The following COL7A1 variants were observed in gnomAD, a reference collection of about 807,000 sequenced individuals.
The protein encoded by COL7A1 is collagen alpha-1(VII) chain.
Under a neutral mutation model 456.2 loss-of-function variants are expected in COL7A1, and 296 were observed. The ratio of observed to expected loss-of-function variants is 0.65; its 90% CI spans 0.59 to 0.71. The LOEUF is 0.71. Ranked by LOEUF, COL7A1 falls within the 30% of genes least tolerant of loss-of-function variation. COL7A1 has a pLI of 0.00. For missense variants in COL7A1, 3,441 were observed against 4,017.2 expected (o/e 0.86, Z 3.88); for synonymous variants, 1,464 against 1,525.9 (o/e 0.96, Z 0.95).
chr3:48,570,020 G>C lies in COL7A1; in HGVS notation c.7486-105C>G. ...AGTGGGGACCAGACAAAGGGGACAG[G>C]GGTAGACGAGGAGGGCCAGAGGGCT... On this transcript the variant is annotated intron_variant, in intron 99 of 118. Transcript: ENST00000681320. The surrounding 1 kb of genome is among the most constrained non-coding windows in gnomAD (Gnocchi z 5.5). 12 of 1,594,504 alleles carry C rather than the reference G, an allele frequency of 7.5e-6. No homozygotes were observed. Among genetic ancestry groups the C allele is most frequent in the Non-Finnish European group, 1.0e-5 (12 of 1,163,436 alleles).
rs759830610 is a variant in COL7A1, at chr3:48,571,059, C to G, written c.7164+42G>C. ...ACTCCCTCTTCCTCCTGTGGGGGCCCGGCCTGCTGCCCCTACAACTGGTGA... is the reference window on the plus strand; with the variant it reads ...ACTCCCTCTTCCTCCTGTGGGGGCCGGGCCTGCTGCCCCTACAACTGGTGA... On this transcript the variant is annotated intron_variant, in intron 94 of 118. Transcript: ENST00000681320. The surrounding 1 kb of genome is among the most constrained non-coding windows in gnomAD (Gnocchi z 4.6). 2 of 1,612,410 alleles carry G rather than the reference C, an allele frequency of 1.2e-6. No homozygotes were observed. The highest frequency in any genetic ancestry group is 1.7e-6 in the Non-Finnish European group (2 of 1,178,710).
In COL7A1 at chr3:48,574,305, C is replaced by T. The variant is rs746545309; in HGVS notation, c.6458G>A (p.Gly2153Asp). 6.2e-7 allele frequency: 1 copy of T among 1,614,174 alleles called. No individual in the cohort carries two copies. Among genetic ancestry groups the T allele is most frequent in the South Asian group, 1.1e-5 (1 of 91,080 alleles). The change falls in exon 80 of 119, where the codon GGT becomes GAT. Residue 2153 changes from glycine (G) to aspartate (D), a missense_variant and splice_region_variant. Coordinates refer to ENST00000681320, the MANE Select transcript of COL7A1 (RefSeq NM_000094.4). The surrounding 1 kb of genome is among the most constrained non-coding windows in gnomAD (Gnocchi z 5.0). Reference sequence around the variant, plus strand: ...AGCCATACCACGCTCTCCTGGTAGACCCTGCAGAGAATAGGTTTAAGGCCT... The same window carrying T: ...AGCCATACCACGCTCTCCTGGTAGATCCTGCAGAGAATAGGTTTAAGGCCT... ...PGPRGQDGNPGLPGERGMAGP... is the reference protein window; with the variant it reads ...PGPRGQDGNPDLPGERGMAGP...
In COL7A1 at chr3:48,564,526, G is replaced by T. The variant is rs142853770; in HGVS notation, c.8819-104C>A. 1,029 of 1,419,718 alleles carry T rather than the reference G, an allele frequency of 7.2e-4. 5 individuals are homozygous for T. The African/African-American group carries it at 0.011, about 15-fold the overall frequency. 87.9% of individuals were successfully genotyped at this position (1,419,718 alleles called of 1,614,324 possible). A position where few individuals can be genotyped will look rare whatever the true frequency, so the allele number is the denominator to read the frequency against. On this transcript the variant is annotated intron_variant, in intron 118 of 118. Transcript: ENST00000681320. This position sits in a 1 kb window ranked among gnomAD's most constrained non-coding sequence, Gnocchi z 6.0. ...GAGGGAGCGGAGGCTACAACAGGAA[G>T]TGGGGGCTCTGACCTCAGAGGGGTC... is the stretch of plus-strand genomic sequence containing the variant.
At position 48,574,382 on chromosome 3, in the gene COL7A1, C is replaced by T; in HGVS notation, c.6457-76G>A. The T allele has an allele frequency of 1.2e-6, 2 of 1,613,228 alleles. No homozygotes were observed. Among genetic ancestry groups the T allele is most frequent in the Non-Finnish European group, 1.7e-6 (2 of 1,179,222 alleles). On this transcript the variant is annotated intron_variant, in intron 79 of 118. Transcript: ENST00000681320. This position sits in a 1 kb window ranked among gnomAD's most constrained non-coding sequence, Gnocchi z 5.0. ...CACCCACCATCCCCCTAGACAGAGT[C>T]AGGACCCAGACAGTCCCAGGCAGTA...
Position 48,581,270 on chromosome 3 carries a change from CG to C in COL7A1, c.4888del (p.Arg1630GlufsTer80). 1 of 1,613,396 alleles carries C rather than the reference CG, an allele frequency of 6.2e-7. No individual in the cohort carries two copies. The highest frequency in any genetic ancestry group is 8.5e-7 in the Non-Finnish European group (1 of 1,179,816). On this transcript the variant is annotated frameshift_variant, in exon 52 of 119. Transcript: ENST00000681320. LOFTEE classifies it high-confidence loss of function. The surrounding 1 kb of genome is among the most constrained non-coding windows in gnomAD (Gnocchi z 5.8). ...ACTCCAGCCTCTTACATCTCGTCCTCGGGGGCCAACAGGTCCTGGGGGGCCA... is the reference window on the plus strand; with the variant it reads ...ACTCCAGCCTCTTACATCTCGTCCTCGGGGCCAACAGGTCCTGGGGGGCCA... ...RPGPPGPVGP[R>X]GRDGEVGEKG...
chr3:48,567,483 C>T lies in COL7A1; in HGVS notation c.8046+91G>A. 6.4e-7 allele frequency: 1 copy of T among 1,566,666 alleles called. No individual in the cohort carries two copies. Among genetic ancestry groups the T allele is most frequent in the Non-Finnish European group, 8.8e-7 (1 of 1,137,402 alleles). ...CCCCAAAGTCCCAACCCTCTACAGC[C>T]TTCCTTGTCCCTACACCCCCATGAC... On this transcript the variant is annotated intron_variant, in intron 109 of 118. Coordinates refer to ENST00000681320, the MANE Select transcript of COL7A1 (RefSeq NM_000094.4). This position sits in a 1 kb window ranked among gnomAD's most constrained non-coding sequence, Gnocchi z 4.3.
In COL7A1 at chr3:48,579,524, A is replaced by T; in HGVS notation, c.5236-9T>A. ...CGAAACCCTTCAATGCCCTGAGGAT[A>T]GGGGAGGAAGAAATCAGAGCAGGCC... On this transcript the variant is annotated splice_polypyrimidine_tract_variant and intron_variant, in intron 59 of 118. Transcript: ENST00000681320. This position sits in a 1 kb window ranked among gnomAD's most constrained non-coding sequence, Gnocchi z 4.4. The T allele has an allele frequency of 6.2e-7, 1 of 1,613,932 alleles. No homozygotes were observed. Among genetic ancestry groups the T allele is most frequent in the Non-Finnish European group, 8.5e-7 (1 of 1,180,020 alleles).
Position 48,586,540 on chromosome 3 carries a change from T to C in COL7A1, c.3403+23A>G. On this transcript the variant is annotated intron_variant, in intron 26 of 118. Transcript: ENST00000681320. This position sits in a 1 kb window ranked among gnomAD's most constrained non-coding sequence, Gnocchi z 5.1. ...AGCTCCCAGTGGATAGCCCCAGGAG[T>C]CCATGCCTGCTGCAGTCCTCACCCA... The C allele has an allele frequency of 1.2e-6, 2 of 1,613,484 alleles. No homozygotes were observed. Among genetic ancestry groups the C allele is most frequent in the South Asian group, 1.1e-5 (1 of 91,074 alleles).
Position 48,570,946 on chromosome 3 carries a change from A to G in COL7A1, c.7187T>C (p.Leu2396Pro), listed in dbSNP as rs1313906631. The change falls in exon 95 of 119, where the codon CTG becomes CCG. Residue 2396 changes from leucine to proline, a missense_variant. Physicochemically the swap from Leu to Pro is moderately conservative, Grantham distance 98. Transcript: ENST00000681320. The surrounding 1 kb of genome is among the most constrained non-coding windows in gnomAD (Gnocchi z 5.5). ...GVKGDLGLPG[L>P]PGAPGVVGFP... ...CCCAACAACACCAGGAGCACCGGGC[A>G]GGCCAGGGAGGCCCAGATCTCCCTG... is the stretch of plus-strand genomic sequence containing the variant. 2 of 1,613,658 alleles carry G rather than the reference A, an allele frequency of 1.2e-6. No homozygotes were observed. Among genetic ancestry groups the G allele is most frequent in the Non-Finnish European group, 1.7e-6 (2 of 1,179,854 alleles).
In COL7A1 at chr3:48,569,680, G is replaced by A; in HGVS notation, c.7558-32C>T. ...GGGCAGGCAGGAATCAGAGGAGTCG[G>A]GAGCACCCTGGCCCCTGCCCTGCCC... is the stretch of plus-strand genomic sequence containing the variant. On this transcript the variant is annotated intron_variant, in intron 101 of 118. Coordinates refer to ENST00000681320, the MANE Select transcript of COL7A1 (RefSeq NM_000094.4). The surrounding 1 kb of genome is among the most constrained non-coding windows in gnomAD (Gnocchi z 4.9). 6.2e-7 allele frequency: 1 copy of A among 1,614,014 alleles called. No homozygotes were observed. The highest frequency in any genetic ancestry group is 1.1e-5 in the South Asian group (1 of 91,080).
In COL7A1 at chr3:48,590,218, C is replaced by T. The variant is rs772900092; in HGVS notation, c.2045G>A (p.Arg682Gln). The change falls in exon 16 of 119, where the codon CGA (arginine) becomes CAA (glutamine). Residue 682 changes from arginine to glutamine, a missense_variant. Coordinates refer to ENST00000681320, the MANE Select transcript of COL7A1 (RefSeq NM_000094.4). This position sits in a 1 kb window ranked among gnomAD's most constrained non-coding sequence, Gnocchi z 4.6. ...EEGPAAVIVA[R>Q]TDPLGPVRTV... ...GGACGGGGGCAGGGCCTGACCCGTT[C>T]GAGCCACGATGACTGCAGCAGGGCC... is the stretch of plus-strand genomic sequence containing the variant. 4.5e-5 allele frequency: 73 copies of T among 1,612,324 alleles called. 1 individual carries two copies. The Middle Eastern group carries it at 5.0e-4, about 11-fold the overall frequency.
Position 48,585,732 on chromosome 3 carries a change from G to A in COL7A1, c.3789C>T (p.Gly1263=), listed in dbSNP as rs2107743320. 1.2e-6 allele frequency: 2 copies of A among 1,614,034 alleles called. No individual in the cohort carries two copies. Among genetic ancestry groups the A allele is most frequent in the Non-Finnish European group, 8.5e-7 (1 of 1,180,014 alleles). The change falls in exon 31 of 119, where the codon GGC becomes GGT. Residue 1263 remains glycine, a splice_region_variant and synonymous_variant. Coordinates refer to ENST00000681320, the MANE Select transcript of COL7A1 (RefSeq NM_000094.4). The surrounding 1 kb of genome is among the most constrained non-coding windows in gnomAD (Gnocchi z 4.5). ...KGQKGEPGEM[G]LRGQVGPPGD... ...CAGGAGGCCCAACTTGTCCTCTCAG[G>A]CCCTAGGAAGGGTAATCAGTGAGAC...
chr3:48,577,936 G>A (rs1235872793), intron 65 of COL7A1, among the ~76,000 whole-genome samples: 3 of 152,242 alleles, frequency 2.0e-5, no homozygotes, highest in African/African-American at 4.8e-5. Flanking sequence ...AGGAGGCCGA[G>A]GCGGGCGGAT....
rs992614450 is a variant in COL7A1 at position 48,565,650 on chromosome 3, A to G, written c.8426T>C (p.Ile2809Thr). 7.4e-6 allele frequency: 12 copies of G among 1,613,814 alleles called. No homozygotes were observed. The highest frequency in any genetic ancestry group is 1.0e-5 in the Non-Finnish European group (12 of 1,179,972). Residue 2809 changes from isoleucine (I) to threonine (T), a missense_variant, in exon 115 of 119, where the codon ATC becomes ACC. Around this residue, in one of 3 missense-constraint regions of COL7A1, gnomAD observed 2,084 missense variants for 2,501.3 expected, o/e 0.83. Transcript: ENST00000681320. This position sits in a 1 kb window ranked among gnomAD's most constrained non-coding sequence, Gnocchi z 4.5. ...AAACTACTCACGTGATCCAGATGCG[A>G]TGAACTGGCCCTGGCAGGCTAGAGG... The part of the protein sequence containing the change: ...SQHCACQGQF[I>T]ASGSRPLPSY...
At position 48,581,503 on chromosome 3, in the gene COL7A1, G is replaced by A; in HGVS notation, c.4783-20C>T. On this transcript the variant is annotated intron_variant, in intron 50 of 118. Transcript: ENST00000681320. This position sits in a 1 kb window ranked among gnomAD's most constrained non-coding sequence, Gnocchi z 5.8. The stretch of plus-strand genomic sequence containing the variant: ...GGGACCCTGAAGGGGACAGAAGGGG[G>A]GCAGGACTTAGTCAGGGTCCCACCA... The A allele has an allele frequency of 5.0e-6, 8 of 1,614,094 alleles. No homozygotes were observed. The highest frequency in any genetic ancestry group is 6.8e-6 in the Non-Finnish European group (8 of 1,180,002).
In COL7A1 at chr3:48,573,870, G is replaced by T. The variant is rs781281946; in HGVS notation, c.6522C>A (p.Gly2174=). The T allele has an allele frequency of 2.5e-6, 4 of 1,613,862 alleles. No homozygotes were observed. In the South Asian group the frequency reaches 3.3e-5, roughly 13 times the overall value. Residue 2174 remains glycine, a synonymous_variant, in exon 81 of 119, where the codon GGC becomes GGA. Coordinates refer to ENST00000681320, the MANE Select transcript of COL7A1 (RefSeq NM_000094.4). This position sits in a 1 kb window ranked among gnomAD's most constrained non-coding sequence, Gnocchi z 5.5. ...GGGTACTCACCACTGGGCCAGGGGG[G>T]CCTCTTGGACCCTGCAGACCCTACA... ...EGKPGLQGPR[G]PPGPVGGHGD...
chr3:48,588,807 A>T lies in COL7A1; in HGVS notation c.2441-19T>A, dbSNP rs1374460200. ...GGGCCGCCTGGCCAGGTGGGCATACAGCAATGGTTAGGGGTGAGCAGTCCC... is the reference window on the plus strand; with the variant it reads ...GGGCCGCCTGGCCAGGTGGGCATACTGCAATGGTTAGGGGTGAGCAGTCCC... On this transcript the variant is annotated intron_variant, in intron 19 of 118. Transcript: ENST00000681320. The surrounding 1 kb of genome is among the most constrained non-coding windows in gnomAD (Gnocchi z 4.6). 6.2e-7 allele frequency: 1 copy of T among 1,613,680 alleles called. No individual in the cohort carries two copies. The highest frequency in any genetic ancestry group is 8.5e-7 in the Non-Finnish European group (1 of 1,180,026).
chr3:48,569,407 G>A lies in COL7A1; in HGVS notation c.7654C>T (p.Pro2552Ser). The A allele has an allele frequency of 1.2e-6, 2 of 1,614,114 alleles. No homozygotes were observed. The highest frequency in any genetic ancestry group is 1.7e-6 in the Non-Finnish European group (2 of 1,180,004). ...GPRGLDGDKGPRGDNGDPGDK... is the reference protein window; with the variant it reads ...GPRGLDGDKGSRGDNGDPGDK... ...CCAGGGTCCCCATTGTCTCCCCGAG[G>A]TCCTTTGTCACCATCCAAGCCCCGA... Residue 2552 changes from proline (P) to serine (S), a missense_variant, in exon 103 of 119, where the codon CCT (proline) becomes TCT (serine). By Grantham distance (74) the Pro-to-Ser change is moderately conservative (BLOSUM62 -1). This residue lies in a region of COL7A1 where 2,084 missense variants were observed against 2,501.3 expected (regional missense o/e 0.83). Transcript: ENST00000681320. The surrounding 1 kb of genome is among the most constrained non-coding windows in gnomAD (Gnocchi z 4.9).
chr3:48,589,530 C>G, intron 17 of COL7A1, 60 bp from the exon 18 acceptor site: 1 of 1,612,770 alleles, frequency 6.2e-7, no homozygotes, highest in South Asian at 1.1e-5. Context: ...AGAGCCCCAC[C>G]TGGACCCCCA....
Sources: allele counts gnomAD v4.1 joint callset (sites outside exome capture counted in the v4.1 genomes callset), GRCh38; gene constraint gnomAD v4.1.1; regional missense constraint gnomAD v4.1.1; non-coding constraint Gnocchi (gnomAD v3.1); transcripts MANE v1.5; gene names NCBI Gene and HGNC (gene_info 2026-07-23, HGNC 2026-07-21).